Variants in CHST11 observed in about 807,000 individuals in gnomAD.
CHST11 encodes C4S-1.
A neutral mutation model predicts 30.4 loss-of-function variants in CHST11; 9 were observed. The observed-to-expected ratio is 0.30, with a 90% confidence interval of 0.18 to 0.52. The LOEUF (loss-of-function observed/expected upper bound fraction) is 0.52. Ranked by LOEUF, CHST11 falls within the 20% of genes least tolerant of loss-of-function variation. The probability of loss-of-function intolerance (pLI) is 0.97; values close to 1 mark genes in which losing one functional copy is unlikely to be tolerated. For missense variants in CHST11, 348 were observed against 460.6 expected (o/e 0.76, Z 2.24); for synonymous variants, 152 against 187.8 (o/e 0.81, Z 1.56).
chr12:104,589,101 T>C (rs1298022949), intron 1 of CHST11, among the ~76,000 whole-genome samples: 4 of 152,158 alleles, frequency 2.6e-5, no homozygotes, highest in Non-Finnish European at 5.9e-5. Flanking sequence ...TATGAAGTAC[T>C]TAGAATATTC....
At chr12:104,679,300 A>G (rs1044467062) in intron 2 of CHST11, among the ~76,000 whole-genome samples, 46 of 152,146 alleles carry the variant, frequency 3.0e-4, no homozygotes, top group Non-Finnish European at 1.8e-4. Flanking sequence ...CCTTCTCCAC[A>G]GTTTACAGCC....
At chr12:104,498,378 A>G (rs953214344) in intron 1 of CHST11, among the ~76,000 whole-genome samples, 9 of 152,144 alleles carry the variant, frequency 5.9e-5, no homozygotes, top group Admixed American at 3.3e-4. Context: ...ATATGGGTCC[A>G]TTTTATTTTA....
At chr12:104,621,011 C>T (rs1005638989) in intron 2 of CHST11, among the ~76,000 whole-genome samples, 2 of 152,204 alleles carry the variant, frequency 1.3e-5, no homozygotes, top group Non-Finnish European at 2.9e-5. Flanking sequence ...TAATACTGAG[C>T]GCAGAGTGTA....
At chr12:104,500,553 T>C (rs547242967) in intron 1 of CHST11, among the ~76,000 whole-genome samples, 2 of 137,828 alleles carry the variant, frequency 1.5e-5, no homozygotes, top group South Asian at 4.4e-4. Flanking sequence ...CTCTGTGAAA[T>C]GAGCAGAAAG....
intron 1 of CHST11, among the ~76,000 whole-genome samples, chr12:104,482,354 G>A (rs76886335): frequency 7.6e-4 from 21 of 27,610 alleles, no homozygotes; most frequent in Non-Finnish European, 1.1e-3. Context: ...GCCCCCCCCC[G>A]CAAAAATGAA....
At chr12:104,704,154 C>T (rs986599406) in intron 2 of CHST11, among the ~76,000 whole-genome samples, 2 of 152,152 alleles carry the variant, frequency 1.3e-5, no homozygotes, top group African/African-American at 4.8e-5. Context: ...GGGAACTGGA[C>T]AGTGTGAGAG....
chr12:104,532,331 G>A lies in CHST11; in HGVS notation c.119-69575G>A, dbSNP rs546102772. ...TTGTGATGATTCCCACCCCCACCCC[G>A]TTATAAGAATGAGCCAAAGACGGTG... On this transcript the variant is annotated intron_variant, in intron 1 of 2. Transcript: ENST00000303694. 1.7e-4 allele frequency among the ~76,000 whole-genome samples: 18 copies of A among 108,482 alleles called. No individual in the cohort carries two copies. In the South Asian group the frequency reaches 4.1e-3, roughly 25 times the overall value. 71.2% of individuals were successfully genotyped at this position (108,482 alleles called of 152,430 possible).
chr12:104,752,000 T>C (rs1474961442), intron 2 of CHST11, among the ~76,000 whole-genome samples: 1 of 152,256 alleles, frequency 6.6e-6, no homozygotes, highest in African/African-American at 2.4e-5. Flanking sequence ...ATGATTGACC[T>C]CCTCTTTTAG....
intron 1 of CHST11, among the ~76,000 whole-genome samples, chr12:104,521,250 C>T (rs2038071142): frequency 6.6e-6 from 1 of 152,206 alleles, no homozygotes; most frequent in African/African-American, 2.4e-5. Flanking sequence ...TCCCATATAA[C>T]TATTTTCTCC....
intron 1 of CHST11, among the ~76,000 whole-genome samples, chr12:104,548,816 G>GT (rs1198276881): frequency 2.0e-5 from 3 of 152,206 alleles, no homozygotes; most frequent in African/African-American, 7.2e-5. Flanking sequence ...GAGGAGGACT[G>GT]TGGGATAAGC....
intron 2 of CHST11, among the ~76,000 whole-genome samples, chr12:104,709,291 C>T (rs2040064089): frequency 1.3e-5 from 2 of 152,220 alleles, no homozygotes; most frequent in South Asian, 2.1e-4. Context: ...TTCTCTCTCT[C>T]CTCAGCTTCC....
chr12:104,612,404 CT>C (rs919590167), intron 2 of CHST11, among the ~76,000 whole-genome samples: 31 of 152,116 alleles, frequency 2.0e-4, no homozygotes, highest in Non-Finnish European at 3.8e-4. Context: ...GGTGCTCCCC[CT>C]GTGTGGGTGC....
intron 1 of CHST11, among the ~76,000 whole-genome samples, chr12:104,485,699 G>A (rs1288357104): frequency 6.6e-6 from 1 of 152,056 alleles, no homozygotes. Flanking sequence ...TTGGTCGTGG[G>A]GAGCCTTGAA....
intron 1 of CHST11, among the ~76,000 whole-genome samples, chr12:104,551,131 T>C (rs2136009276): frequency 6.6e-6 from 1 of 152,316 alleles, no homozygotes; most frequent in Non-Finnish European, 1.5e-5. Flanking sequence ...CACTTGCATA[T>C]CCTCCCAGAC....
intron 1 of CHST11, among the ~76,000 whole-genome samples, chr12:104,520,031 C>T (rs757729132): frequency 1.3e-5 from 2 of 152,166 alleles, no homozygotes; most frequent in Non-Finnish European, 1.5e-5. Flanking sequence ...CATCAGGGAA[C>T]GGGGTGCAGG....
chr12:104,600,943 C>G lies in CHST11; in HGVS notation c.119-963C>G, dbSNP rs532184518. 2.0e-5 allele frequency among the ~76,000 whole-genome samples: 3 copies of G among 148,176 alleles called. No homozygotes were observed. The highest frequency in any genetic ancestry group is 4.5e-5 in the Non-Finnish European group (3 of 67,152). ...CTTTTTTCCTTTCCTCCTTCCTTTC[C>G]TCCCTCTTTTCCTCTCTCCTTCTTC... On this transcript the variant is annotated intron_variant, in intron 1 of 2. Coordinates refer to ENST00000303694, the MANE Select transcript of CHST11 (RefSeq NM_018413.6). The surrounding 1 kb of genome is among the most constrained non-coding windows in gnomAD (Gnocchi z 4.1).
intron 2 of CHST11, among the ~76,000 whole-genome samples, chr12:104,741,367 C>A (rs1412199337): frequency 6.6e-6 from 1 of 152,194 alleles, no homozygotes; most frequent in Non-Finnish European, 1.5e-5. Flanking sequence ...GCCTTCCTCT[C>A]ACTGGAAGCA....
chr12:104,467,607 G>A (rs1297449856), intron 1 of CHST11, among the ~76,000 whole-genome samples: 3 of 152,198 alleles, frequency 2.0e-5, no homozygotes, highest in East Asian at 1.9e-4. Flanking sequence ...TATGGATAGA[G>A]ACAAAGAAAC....
chr12:104,748,597 G>T (rs1018846323), intron 2 of CHST11, among the ~76,000 whole-genome samples: 2 of 149,510 alleles, frequency 1.3e-5, no homozygotes, highest in African/African-American at 2.5e-5. Flanking sequence ...GTGGAGTCGG[G>T]GGAGAGATGG....
Sources: allele counts gnomAD v4.1 joint callset (sites outside exome capture counted in the v4.1 genomes callset), GRCh38; gene constraint gnomAD v4.1.1; non-coding constraint Gnocchi (gnomAD v3.1); transcripts MANE v1.5; gene names NCBI Gene and HGNC (gene_info 2026-07-23, HGNC 2026-07-21).